Variants in ZNF138 observed in about 807,000 individuals in gnomAD.
ZNF138 encodes zinc finger protein 138.
Under a neutral mutation model 33.0 loss-of-function variants are expected in ZNF138, and 33 were observed. That is an observed-to-expected ratio of 1.00 (90% CI 0.76 to 1.34). The LOEUF (loss-of-function observed/expected upper bound fraction) is 1.34, where lower values mean the gene tolerates loss of function less well. Ranked by LOEUF, ZNF138 falls within the 40% of genes most tolerant of loss-of-function variation. The probability of loss-of-function intolerance (pLI) is 0.00; values close to 1 mark genes in which losing one functional copy is unlikely to be tolerated. For synonymous variants in ZNF138, 139 were observed against 120.4 expected (o/e 1.15, Z -1.01); for missense variants, 360 against 370.8 (o/e 0.97, Z 0.24).
intron 3 of ZNF138, among the ~76,000 whole-genome samples, chr7:64,822,716 A>G (rs1789266832): frequency 1.3e-5 from 2 of 152,180 alleles, no homozygotes; most frequent in South Asian, 4.1e-4. Context: ...CAGAAAGTAT[A>G]ATGCATCTTC....
At chr7:64,828,743 T>C (rs1033844458) in intron 3 of ZNF138, among the ~76,000 whole-genome samples, 2 of 151,256 alleles carry the variant, frequency 1.3e-5, no homozygotes, top group African/African-American at 4.9e-5. Flanking sequence ...CTTTGTAATA[T>C]GTTTTGAAAT....
downstream of ZNF138, chr7:64,836,867 T>TAC (rs60794042): frequency 0.99 from 149,972 of 152,180 alleles, 73,937 homozygotes; most frequent in East Asian, 1. Flanking sequence ...GCTAGTAGTC[T>TAC]AGGAGACTGC....
intron 1 of ZNF138, among the ~76,000 whole-genome samples, chr7:64,810,842 G>A (rs1265890341): frequency 6.6e-6 from 1 of 152,140 alleles, no homozygotes; most frequent in African/African-American, 2.4e-5. Context: ...GGTGAATCCT[G>A]CAGCCTTTCT....
intron 1 of ZNF138, among the ~76,000 whole-genome samples, chr7:64,807,566 T>C (rs954630143): frequency 1.3e-5 from 2 of 152,134 alleles, no homozygotes; most frequent in African/African-American, 2.4e-5. Flanking sequence ...CCTGTAACAG[T>C]CAAGAATGCA....
the ZNF138 span, among the ~76,000 whole-genome samples, chr7:64,851,020 T>C: frequency 6.6e-6 from 1 of 152,176 alleles, no homozygotes; most frequent in Non-Finnish European, 1.5e-5. Context: ...TACAATGAGA[T>C]ATTTGAATAT....
intron 3 of ZNF138, among the ~76,000 whole-genome samples, chr7:64,823,656 G>A (rs945765804): frequency 2.6e-5 from 4 of 152,112 alleles, no homozygotes; most frequent in African/African-American, 9.7e-5. Context: ...ATTTAATGAG[G>A]CAGCTGGGCG....
the ZNF138 span, among the ~76,000 whole-genome samples, chr7:64,840,038 G>A: frequency 6.6e-6 from 1 of 152,088 alleles, no homozygotes; most frequent in Admixed American, 6.5e-5. Flanking sequence ...AGTGTGACAC[G>A]TCCTAGTGGG....
Position 64,794,589 on chromosome 7 carries a change from G to C in ZNF138, c.3+18G>C. ...TAGAAATGGTGAGAGTGCTGGGTCC[G>C]ACATCCCGAGAGAGGGGGAGGGAGC... On this transcript the variant is annotated intron_variant, in intron 1 of 3. Transcript: ENST00000307355. 1 of 1,613,346 alleles carries C rather than the reference G, an allele frequency of 6.2e-7. No homozygotes were observed. The highest frequency in any genetic ancestry group is 8.5e-7 in the Non-Finnish European group (1 of 1,179,494).
In ZNF138 at chr7:64,833,052, A is replaced by G. The variant is rs149239632; in HGVS notation, c.*850A>G. ...TTTTAACCAAGTCTCAACACTTACT[A>G]TACATAAGATAATTTATACTGGAGC... On this transcript the variant is annotated 3_prime_UTR_variant, in exon 4 of 4. Transcript: ENST00000307355. 3.6e-5 allele frequency: 13 copies of G among 356,442 alleles called. No individual in the cohort carries two copies. In the East Asian group the frequency reaches 8.9e-4, roughly 24 times the overall value. 22.1% of individuals were successfully genotyped at this position (356,442 alleles called of 1,614,324 possible).
Position 64,818,649 on chromosome 7 carries a change from C to T in ZNF138, c.208+2996C>T, listed in dbSNP as rs550435662. Among the ~76,000 whole-genome samples the T allele has an allele frequency of 2.1e-5, 3 of 146,210 alleles. No individual in the cohort carries two copies. The South Asian group carries it at 6.4e-4, about 31-fold the overall frequency. ...CCTGTAATCCCAGCTACTCAGGAGG[C>T]TGAGGCAGGAGAATCACTTGAACCT... On this transcript the variant is annotated intron_variant, in intron 3 of 3. Transcript: ENST00000307355.
At chr7:64,818,946 C>T (rs1383738141) in intron 3 of ZNF138, among the ~76,000 whole-genome samples, 2 of 152,192 alleles carry the variant, frequency 1.3e-5, no homozygotes, top group Non-Finnish European at 1.5e-5. Context: ...TATTACAAGC[C>T]AGATTTTATG....
chr7:64,852,741 C>A, the ZNF138 span: 6 of 966,104 alleles, frequency 6.2e-6, no homozygotes, highest in South Asian at 2.6e-5. Flanking sequence ...GCCACTGCCC[C>A]CTGTGTCCCC....
chr7:64,812,654 G>C (rs1788272376), intron 1 of ZNF138, among the ~76,000 whole-genome samples: 1 of 151,864 alleles, frequency 6.6e-6, no homozygotes, highest in Non-Finnish European at 1.5e-5. Context: ...AGTCTCTTCT[G>C]TTATAAAGGA....
intron 3 of ZNF138, among the ~76,000 whole-genome samples, chr7:64,825,047 A>G (rs888125190): frequency 6.8e-6 from 1 of 147,842 alleles, no homozygotes; most frequent in African/African-American, 2.5e-5. Flanking sequence ...ATAGGGTTTT[A>G]CCACTTTGGC....
At chr7:64,849,016 A>C in the ZNF138 span, among the ~76,000 whole-genome samples, 3 of 152,126 alleles carry the variant, frequency 2.0e-5, no homozygotes, top group African/African-American at 7.2e-5. Context: ...GGGGAATGTT[A>C]AAGAACTTTG....
chr7:64,853,918 G>A, the ZNF138 span, among the ~76,000 whole-genome samples: 55,007 of 151,444 alleles, frequency 0.36, 10,776 homozygotes, highest in South Asian at 0.46. Flanking sequence ...ATCTTTAATC[G>A]TTTGAACCCA....
intron 3 of ZNF138, 140 bp downstream of exon 3, chr7:64,815,793 A>G (rs1788577256): frequency 1.4e-6 from 1 of 695,756 alleles, no homozygotes; most frequent in Admixed American, 3.3e-5. Flanking sequence ...TTTTGCTCTT[A>G]CATAAGACAT....
intron 3 of ZNF138, among the ~76,000 whole-genome samples, chr7:64,825,365 A>G (rs1246374697): frequency 2.3e-4 from 34 of 149,378 alleles, no homozygotes; most frequent in African/African-American, 3.2e-4. Context: ...GTAGAGACGG[A>G]GTCTCACCGT....
chr7:64,798,429 T>C (rs1330797559), intron 1 of ZNF138, among the ~76,000 whole-genome samples: 1 of 152,194 alleles, frequency 6.6e-6, no homozygotes, highest in African/African-American at 2.4e-5. Context: ...AATTCGGCTA[T>C]TTTTTTAAAT....
Sources: gnomAD v4.1 joint callset for allele counts (sites outside exome capture counted in the v4.1 genomes callset) on GRCh38, gnomAD v4.1.1 for gene constraint, MANE v1.5 for transcripts, NCBI Gene and HGNC (gene_info 2026-07-23, HGNC 2026-07-21) for gene names.